HDAC4: variants seen among roughly 807,000 people sequenced by gnomAD.
HDAC4 encodes histone deacetylase A.
A neutral mutation model predicts 135.1 loss-of-function variants in HDAC4; 16 were observed. The ratio of observed to expected loss-of-function variants is 0.12; its 90% confidence interval spans 0.08 to 0.18. The LOEUF (loss-of-function observed/expected upper bound fraction) is 0.18, where lower values mean the gene tolerates loss of function less well. Ranked by LOEUF, HDAC4 falls within the 10% of genes least tolerant of loss-of-function variation. The pLI, the probability that HDAC4 is intolerant of heterozygous loss-of-function variation, is 1.00. For synonymous variants in HDAC4, 685 were observed against 653.4 expected (o/e 1.05, Z -0.74); for missense variants, 1,143 against 1,511.8 (o/e 0.76, Z 4.05).
At chr2:239,209,203 T>C (rs1350606453) in intron 3 of HDAC4, among the ~76,000 whole-genome samples, 2 of 152,210 alleles carry the variant, frequency 1.3e-5, no homozygotes, top group South Asian at 2.1e-4. Flanking sequence ...CATTTTTAAA[T>C]GGTCTAAATA....
At chr2:239,059,277 G>T (rs1414293636) in intron 24 of HDAC4, among the ~76,000 whole-genome samples, 1 of 152,200 alleles carries the variant, frequency 6.6e-6, no homozygotes, top group African/African-American at 2.4e-5. Context: ...GTTAGCCAGA[G>T]AACACAGTGG....
intron 3 of HDAC4, among the ~76,000 whole-genome samples, chr2:239,225,159 T>C (rs936126404): frequency 6.6e-6 from 1 of 152,202 alleles, no homozygotes; most frequent in Non-Finnish European, 1.5e-5. Context: ...AATTTCAAAA[T>C]AACTCTCTTG....
intron 3 of HDAC4, among the ~76,000 whole-genome samples, chr2:239,235,517 C>G (rs1196230294): frequency 6.6e-6 from 1 of 152,224 alleles, no homozygotes; most frequent in Non-Finnish European, 1.5e-5. Flanking sequence ...CTGCAAGGCC[C>G]AGCCACACTG....
rs544242750 is a variant in HDAC4 at position 239,093,325 on chromosome 2, T to A, written c.2280+1685A>T. On this transcript the variant is annotated intron_variant, in intron 17 of 26. Transcript: ENST00000543185. ...CTGGCTCTGCTCACCTGCTCTGCCC[T>A]CCCTGACAAGAGCACCTGCTGTGTG... Among the ~76,000 whole-genome samples, 140 of 152,272 alleles carry A rather than the reference T, an allele frequency of 9.2e-4. 1 individual carries two copies. The highest frequency in any genetic ancestry group is 1.5e-3 in the Non-Finnish European group (105 of 68,006).
At chr2:239,328,688 G>A (rs946814261) in intron 2 of HDAC4, among the ~76,000 whole-genome samples, 5 of 152,342 alleles carry the variant, frequency 3.3e-5, no homozygotes, top group Admixed American at 6.5e-5. Context: ...GCACACATCC[G>A]AACTGCCAGG....
chr2:239,085,198 T>G (rs1222274093), intron 19 of HDAC4, among the ~76,000 whole-genome samples: 1 of 152,042 alleles, frequency 6.6e-6, no homozygotes, highest in South Asian at 2.1e-4. Context: ...CCAGGAGACA[T>G]GGCAGCCGTT....
At position 239,081,279 on chromosome 2, in the gene HDAC4, G is replaced by A. The variant is rs2035296866; in HGVS notation, c.2653-87C>T. 5 of 1,148,564 alleles carry A rather than the reference G, an allele frequency of 4.4e-6. No homozygotes were observed. The East Asian group carries it at 1.3e-4, about 29-fold the overall frequency. The allele number at this position is 1,148,564 out of a possible 1,614,324, so 71.1% of individuals were successfully genotyped here. A position where few individuals can be genotyped will look rare whatever the true frequency, so the allele number is the denominator to read the frequency against. ...CGCCTGATGCAGGTGGCACCGGGATGGGCTCGGCCTTGGTGGGCCCCTGGG... is the reference window on the plus strand; with the variant it reads ...CGCCTGATGCAGGTGGCACCGGGATAGGCTCGGCCTTGGTGGGCCCCTGGG... On this transcript the variant is annotated intron_variant, in intron 21 of 26. Transcript: ENST00000543185.
At chr2:239,272,123 A>T (rs1057358298) in intron 2 of HDAC4, among the ~76,000 whole-genome samples, 32 of 152,370 alleles carry the variant, frequency 2.1e-4, no homozygotes, top group African/African-American at 7.2e-4. Flanking sequence ...TAGACACTGC[A>T]GAAGCTGGCT....
chr2:239,195,739 G>A (rs1463347400), intron 3 of HDAC4, among the ~76,000 whole-genome samples: 4 of 152,148 alleles, frequency 2.6e-5, no homozygotes, highest in African/African-American at 7.2e-5. Flanking sequence ...AGCAGAAAAC[G>A]GCTTTTATAG....
rs2045639412 is a variant in HDAC4 at position 239,199,760 on chromosome 2, G to C, written c.95-9683C>G. Among the ~76,000 whole-genome samples, 3 of 148,232 alleles carry C rather than the reference G, an allele frequency of 2.0e-5. 1 individual carries two copies. The South Asian group carries it at 6.3e-4, about 31-fold the overall frequency. ...TCTTTTTTTTTTTTTTTGAGATGGA[G>C]TCTCGCTCTGTCACCCAGGCTGGAG... On this transcript the variant is annotated intron_variant, in intron 3 of 26. Coordinates refer to ENST00000543185, the MANE Select transcript of HDAC4 (RefSeq NM_001378414.1).
chr2:239,123,323 T>G (rs1379985049), intron 12 of HDAC4, among the ~76,000 whole-genome samples: 1 of 152,202 alleles, frequency 6.6e-6, no homozygotes, highest in Non-Finnish European at 1.5e-5. Context: ...ATGAGGGGAT[T>G]TGCTGGGTGC....
intron 1 of HDAC4, among the ~76,000 whole-genome samples, chr2:239,396,284 T>G (rs540872265): frequency 7.2e-5 from 11 of 152,074 alleles, no homozygotes; most frequent in Admixed American, 2.6e-4. Flanking sequence ...CCCTATTATA[T>G]TTTATATAAT....
intron 1 of HDAC4, among the ~76,000 whole-genome samples, chr2:239,373,557 A>G (rs1165761056): frequency 6.6e-6 from 1 of 151,952 alleles, no homozygotes; most frequent in Non-Finnish European, 1.5e-5. Flanking sequence ...TCCACCTCCC[A>G]GGTTCAAGCG....
rs71043188 is a variant in HDAC4 at position 239,357,888 on chromosome 2, C to CAAA, written c.-219-4973_-219-4971dup. 1.2e-3 allele frequency among the ~76,000 whole-genome samples: 69 copies of CAAA among 55,642 alleles called. 1 individual carries two copies. The highest frequency in any genetic ancestry group is 1.9e-3 in the African/African-American group (22 of 11,514). 36.5% of individuals were successfully genotyped at this position (55,642 alleles called of 152,430 possible). ...TGGGTGACAGAGCAAGCCTCTGTTCCAAAAAAAAAAAAAAAAAAAAAAAAA... is the reference window on the plus strand; with the variant it reads ...TGGGTGACAGAGCAAGCCTCTGTTCCAAAAAAAAAAAAAAAAAAAAAAAAAAAA... On this transcript the variant is annotated intron_variant, in intron 1 of 26. Transcript: ENST00000543185.
intron 3 of HDAC4, among the ~76,000 whole-genome samples, chr2:239,228,920 T>C (rs574278814): frequency 1.3e-5 from 2 of 152,238 alleles, no homozygotes; most frequent in Admixed American, 1.3e-4. Context: ...GGTAGGCAGA[T>C]CACTTGAGGT....
rs6734425 is a variant in HDAC4 at position 239,285,613 on chromosome 2, C to T, written c.23-48949G>A. On this transcript the variant is annotated intron_variant, in intron 2 of 26. Transcript: ENST00000543185. This position sits in a 1 kb window ranked among gnomAD's most constrained non-coding sequence, Gnocchi z 4.5. The stretch of plus-strand genomic sequence containing the variant: ...TACTAGAAACTTCCTCTTCTGGGGA[C>T]GTGGCAGACAAGTCATCTTACAGGC... Among the ~76,000 whole-genome samples, 4 of 152,128 alleles carry T rather than the reference C, an allele frequency of 2.6e-5. No homozygotes were observed. Among genetic ancestry groups the T allele is most frequent in the Admixed American group, 2.0e-4 (3 of 15,276 alleles).
chr2:239,134,164 C>A lies in HDAC4; in HGVS notation c.1294+81G>T. 3.4e-6 allele frequency: 4 copies of A among 1,166,900 alleles called. No homozygotes were observed. The Admixed American group carries it at 7.3e-5, about 21-fold the overall frequency. 72.3% of individuals were successfully genotyped at this position (1,166,900 alleles called of 1,614,324 possible). A position where few individuals can be genotyped will look rare whatever the true frequency, so the allele number is the denominator to read the frequency against. Reference sequence around the variant, plus strand: ...GACAGGCGTGCATTCCTGTCTCCTCCAAAGGCAGGCGAAGGCGGGGCACCA... The same window carrying A: ...GACAGGCGTGCATTCCTGTCTCCTCAAAAGGCAGGCGAAGGCGGGGCACCA... On this transcript the variant is annotated intron_variant, in intron 11 of 26. Transcript: ENST00000543185.
At chr2:239,368,571 G>A (rs1694386150) in intron 1 of HDAC4, among the ~76,000 whole-genome samples, 1 of 152,134 alleles carries the variant, frequency 6.6e-6, no homozygotes, top group South Asian at 2.1e-4. Flanking sequence ...GATAACAGGG[G>A]GGTACAAGTG....
chr2:239,260,533 C>T (rs148309814), intron 2 of HDAC4, among the ~76,000 whole-genome samples: 230 of 152,310 alleles, frequency 1.5e-3, no homozygotes, highest in African/African-American at 5.2e-3. Flanking sequence ...CTGCTGGCCT[C>T]ATCTCTCTTC....
Sources: gnomAD v4.1 joint callset for allele counts (sites outside exome capture counted in the v4.1 genomes callset) on GRCh38, gnomAD v4.1.1 for gene constraint, Gnocchi (gnomAD v3.1) non-coding constraint, MANE v1.5 for transcripts, NCBI Gene and HGNC (gene_info 2026-07-23, HGNC 2026-07-21) for gene names.